The following HELB variants were observed in gnomAD, a reference collection of about 807,000 sequenced individuals.
HELB encodes DNA helicase B, also known as DNA 5'-3' helicase B.
In HELB, 96 loss-of-function variants were observed where a neutral mutation model predicts 101.7. The observed-to-expected ratio is 0.94, with a 90% confidence interval of 0.80 to 1.12. The LOEUF (loss-of-function observed/expected upper bound fraction) is 1.12, where lower values mean the gene tolerates loss of function less well. Ranked by LOEUF, HELB falls within the 50% of genes most tolerant of loss-of-function variation. HELB has a pLI of 0.00. For synonymous variants in HELB, 437 were observed against 459.7 expected (o/e 0.95, Z 0.63); for missense variants, 1,210 against 1,291.9 (o/e 0.94, Z 0.97).
intron 11 of HELB, among the ~76,000 whole-genome samples, chr12:66,330,363 A>AG (rs1337622700): frequency 1.3e-5 from 2 of 152,130 alleles, no homozygotes; most frequent in Non-Finnish European, 2.9e-5. Context: ...GACAAGTAGG[A>AG]GAAAAAAAAG....
intron 11 of HELB, among the ~76,000 whole-genome samples, chr12:66,328,335 G>A (rs950931218): frequency 5.3e-5 from 8 of 152,276 alleles, no homozygotes; most frequent in Non-Finnish European, 7.4e-5. Context: ...GCTGAGGTGG[G>A]CAGGTCAATT....
At chr12:66,324,386 A>G (rs2053711271) in intron 10 of HELB, 175 bp downstream of exon 10, 2 of 575,384 alleles carry the variant, frequency 3.5e-6, no homozygotes, top group African/African-American at 1.9e-5. Flanking sequence ...TTATCTGGTA[A>G]TGTCCTGTCT....
chr12:66,310,025 C>A lies in HELB; in HGVS notation c.1097C>A (p.Ser366Ter), dbSNP rs761752774. ...LYHAERAIAFSICDLMKKPPW... is the reference protein window; with the variant it reads ...LYHAERAIAF ...CATGCTGAAAGAGCCATCGCCTTTTCAATTTGTGACCTGATGAAGAAACCT... is the reference window on the plus strand; with the variant it reads ...CATGCTGAAAGAGCCATCGCCTTTTAAATTTGTGACCTGATGAAGAAACCT... The change falls in exon 4 of 13, where the codon TCA becomes TAA. Residue 366 changes from serine (S) to a stop codon, truncating the protein, a stop_gained. Coordinates refer to ENST00000247815, the MANE Select transcript of HELB (RefSeq NM_001370285.1). LOFTEE classifies it high-confidence loss of function. 2.3e-5 allele frequency: 37 copies of A among 1,614,032 alleles called. No individual in the cohort carries two copies. In the South Asian group the frequency reaches 4.1e-4, roughly 18 times the overall value.
downstream of HELB, chr12:66,340,090 G>A (rs1592652651): frequency 6.6e-6 from 1 of 152,216 alleles, no homozygotes; most frequent in African/African-American, 2.4e-5. Context: ...CTGTGTATAA[G>A]TTTTTATGTG....
chr12:66,335,940 T>C (rs2053862087), intron 12 of HELB, among the ~76,000 whole-genome samples: 1 of 152,210 alleles, frequency 6.6e-6, no homozygotes, highest in African/African-American at 2.4e-5. Context: ...TCTGAACTCC[T>C]GTAGGAGGGC....
intron 3 of HELB, among the ~76,000 whole-genome samples, chr12:66,307,216 G>A (rs920557903): frequency 4.7e-4 from 71 of 152,268 alleles, no homozygotes; most frequent in Admixed American, 1.2e-3. Context: ...AGAAATACTG[G>A]AATAAGGAAT....
At chr12:66,308,891 G>A (rs550337701) in intron 3 of HELB, among the ~76,000 whole-genome samples, 29 of 152,116 alleles carry the variant, frequency 1.9e-4, no homozygotes, top group African/African-American at 5.8e-4. Context: ...GACACAGTTC[G>A]GCCCATAAAA....
intron 4 of HELB, among the ~76,000 whole-genome samples, chr12:66,313,200 T>TAGAAAAAAA (rs58828288): frequency 1.3e-5 from 2 of 151,314 alleles, no homozygotes; most frequent in Non-Finnish European, 3.0e-5. Context: ...CTAGTTTTAG[T>TAGAAAAAAA]AGAAAAATTA....
chr12:66,309,510 A>C (rs2053514879), intron 3 of HELB, among the ~76,000 whole-genome samples, 196 bp from the exon 4 acceptor site: 1 of 152,140 alleles, frequency 6.6e-6, no homozygotes, highest in Non-Finnish European at 1.5e-5. Context: ...AGTGTGATAA[A>C]ATATAATTTT....
intron 10 of HELB, 155 bp downstream of exon 10, chr12:66,324,366 A>G (rs1031469741): frequency 9.7e-6 from 6 of 619,762 alleles, no homozygotes; most frequent in African/African-American, 9.2e-5. Context: ...TTTATGAAGG[A>G]TATGGGTAGT....
intron 10 of HELB, 141 bp downstream of exon 10, chr12:66,324,352 C>A: frequency 1.5e-6 from 1 of 679,226 alleles, no homozygotes; most frequent in Non-Finnish European, 2.5e-6. Flanking sequence ...TTTTGGCATC[C>A]ATGTTTATGA....
intron 11 of HELB, among the ~76,000 whole-genome samples, chr12:66,326,648 T>C (rs942519482): frequency 6.6e-6 from 1 of 152,098 alleles, no homozygotes; most frequent in African/African-American, 2.4e-5. Flanking sequence ...GGGTGGGGCT[T>C]TATTTATTAA....
intron 9 of HELB, among the ~76,000 whole-genome samples, chr12:66,323,434 C>T (rs573620146): frequency 7.9e-5 from 12 of 152,066 alleles, no homozygotes; most frequent in South Asian, 6.2e-4. Flanking sequence ...TCTATAAAAG[C>T]GGGTATGGAC....
chr12:66,317,927 C>T (rs973678033), intron 6 of HELB, among the ~76,000 whole-genome samples: 2 of 152,128 alleles, frequency 1.3e-5, no homozygotes, highest in Non-Finnish European at 2.9e-5. Flanking sequence ...GCTGTTAGTT[C>T]TGTTCGAGGA....
chr12:66,322,640 T>C, intron 8 of HELB, 84 bp from the exon 9 acceptor site: 1 of 745,870 alleles, frequency 1.3e-6, no homozygotes. Context: ...TTTTGTAGAA[T>C]CTAGTATGTC....
At chr12:66,327,645 G>A (rs1410410621) in intron 11 of HELB, among the ~76,000 whole-genome samples, 1 of 152,040 alleles carries the variant, frequency 6.6e-6, no homozygotes. Context: ...TTTCTTCCAA[G>A]TTCAATTCCG....
At chr12:66,303,563 G>A (rs550856807) in intron 1 of HELB, among the ~76,000 whole-genome samples, 3 of 152,292 alleles carry the variant, frequency 2.0e-5, no homozygotes, top group Admixed American at 1.3e-4. Flanking sequence ...AACCCAGGAG[G>A]TGGGGGTTGC....
chr12:66,314,584 C>T (rs983273050), intron 5 of HELB, among the ~76,000 whole-genome samples: 1 of 152,154 alleles, frequency 6.6e-6, no homozygotes, highest in African/African-American at 2.4e-5. Flanking sequence ...TGATAAGATT[C>T]AGTTAGATTC....
intron 12 of HELB, among the ~76,000 whole-genome samples, chr12:66,332,189 C>A (rs188739595): frequency 1.8e-3 from 280 of 152,272 alleles, no homozygotes; most frequent in African/African-American, 5.9e-3. Flanking sequence ...TCCAATTTCT[C>A]CATTTCAATC....
Sources: allele counts gnomAD v4.1 joint callset (sites outside exome capture counted in the v4.1 genomes callset), GRCh38; gene constraint gnomAD v4.1.1; transcripts MANE v1.5; gene names NCBI Gene and HGNC (gene_info 2026-07-23, HGNC 2026-07-21).